The following RIC1 variants were observed in gnomAD, a reference collection of about 807,000 sequenced individuals.
The protein encoded by RIC1 is guanine nucleotide exchange factor subunit RIC1.
In RIC1, 88 loss-of-function variants were observed where a neutral mutation model predicts 169.0. The observed-to-expected ratio is 0.52, with a 90% CI of 0.44 to 0.62. The LOEUF is 0.62. Ranked by LOEUF, RIC1 falls within the 20% of genes least tolerant of loss-of-function variation. The probability of loss-of-function intolerance (pLI) is 0.00; values close to 1 mark genes in which losing one functional copy is unlikely to be tolerated. For missense variants in RIC1, 1,877 were observed against 1,725.5 expected (o/e 1.09, Z -1.56); for synonymous variants, 790 against 601.5 (o/e 1.31, Z -4.59).
In RIC1 at chr9:5,774,225, T is replaced by A. The variant is rs3739648; in HGVS notation, c.4251T>A (p.Thr1417=). 6.2e-7 allele frequency: 1 copy of A among 1,611,068 alleles called. No individual in the cohort carries two copies. Among genetic ancestry groups the A allele is most frequent in the Admixed American group, 1.7e-5 (1 of 59,778 alleles). Residue 1417 remains threonine (T), a synonymous_variant, in exon 26 of 26, where the codon ACT becomes ACA. Coordinates refer to ENST00000414202, the MANE Select transcript of RIC1 (RefSeq NM_020829.4). ...AEEEEPFQDG[T]YDCSVS ...AGGAAGAACCTTTTCAGGATGGGACTTACGACTGTTCTGTGTCCTAACAGT... is the reference window on the plus strand; with the variant it reads ...AGGAAGAACCTTTTCAGGATGGGACATACGACTGTTCTGTGTCCTAACAGT...
intron 3 of RIC1, among the ~76,000 whole-genome samples, chr9:5,707,284 T>C (rs1378193992): frequency 2.6e-5 from 4 of 152,160 alleles, no homozygotes; most frequent in African/African-American, 9.6e-5. Context: ...ATTAAGACTT[T>C]TTTGTGGTTT....
At chr9:5,630,839 A>G (rs1211655654) in intron 1 of RIC1, among the ~76,000 whole-genome samples, 1 of 152,244 alleles carries the variant, frequency 6.6e-6, no homozygotes, top group East Asian at 1.9e-4. Context: ...TTTACAATGT[A>G]TATGCCAGTT....
intron 1 of RIC1, among the ~76,000 whole-genome samples, chr9:5,637,038 G>A (rs1322484884): frequency 6.6e-6 from 1 of 151,876 alleles, no homozygotes; most frequent in Non-Finnish European, 1.5e-5. Flanking sequence ...AACACAGTAG[G>A]TATATATTTA....
rs1213552997 is a variant in RIC1, at chr9:5,775,386, C to G, written c.*1140C>G. On this transcript the variant is annotated 3_prime_UTR_variant, in exon 26 of 26. Coordinates refer to ENST00000414202, the MANE Select transcript of RIC1 (RefSeq NM_020829.4). Reference sequence around the variant, plus strand: ...ACATTATGAAAACAACTGCATACTCCTTAATTGCTTTAAACACCCATCCAC... The same window carrying G: ...ACATTATGAAAACAACTGCATACTCGTTAATTGCTTTAAACACCCATCCAC... The G allele has an allele frequency of 6.6e-6, 1 of 152,136 alleles. No individual in the cohort carries two copies. Among genetic ancestry groups the G allele is most frequent in the African/African-American group, 2.4e-5 (1 of 41,430 alleles). The allele number at this position is 152,136 out of a possible 1,614,324, so 9.4% of individuals were successfully genotyped here.
In RIC1 at chr9:5,714,012, C is replaced by G; in HGVS notation, c.440+9C>G. The G allele has an allele frequency of 6.3e-7, 1 of 1,581,908 alleles. No individual in the cohort carries two copies. Among genetic ancestry groups the G allele is most frequent in the South Asian group, 1.1e-5 (1 of 89,834 alleles). On this transcript the variant is annotated intron_variant, in intron 4 of 25. Coordinates refer to ENST00000414202, the MANE Select transcript of RIC1 (RefSeq NM_020829.4). ...CAAGCACCCATCATGAGGTACAGTA[C>G]TTTGGTTAAATTTGACATTGTGTGA...
At chr9:5,687,672 A>G (rs566652445) in intron 2 of RIC1, among the ~76,000 whole-genome samples, 103 of 152,312 alleles carry the variant, frequency 6.8e-4, no homozygotes, top group African/African-American at 2.4e-3. Flanking sequence ...GGGATCAGGA[A>G]ACATATATTA....
chr9:5,744,146 T>C (rs1825246983), intron 10 of RIC1, among the ~76,000 whole-genome samples: 1 of 152,132 alleles, frequency 6.6e-6, no homozygotes, highest in African/African-American at 2.4e-5. Flanking sequence ...CTGCCTGGTT[T>C]TCAGTATTTG....
intron 1 of RIC1, among the ~76,000 whole-genome samples, chr9:5,648,107 C>A (rs1010078456): frequency 6.6e-6 from 1 of 151,848 alleles, no homozygotes; most frequent in East Asian, 1.9e-4. Flanking sequence ...CTCAGCCTCC[C>A]AAGTAGCTGG....
chr9:5,753,236 C>T lies in RIC1; in HGVS notation c.1489C>T (p.Arg497Trp), dbSNP rs1222655566. ...CTATCTAGAGAGCAATTGGCCTATA[C>T]GGGTGAGTTGTTATTTTGTTGGTGT... ...STYLESNWPI[R>W]FSAIDKLGQN... is the part of the protein sequence containing the mutation. Residue 497 changes from arginine (R) to tryptophan (W), a missense_variant and splice_region_variant, in exon 13 of 26, where the codon CGG (arginine) becomes TGG (tryptophan). Transcript: ENST00000414202. 3 of 1,613,188 alleles carry T rather than the reference C, an allele frequency of 1.9e-6. No homozygotes were observed. The highest frequency in any genetic ancestry group is 2.7e-5 in the African/African-American group (2 of 75,010).
chr9:5,727,462 C>T (rs1824069118), intron 6 of RIC1, among the ~76,000 whole-genome samples: 1 of 152,086 alleles, frequency 6.6e-6, no homozygotes, highest in African/African-American at 2.4e-5. Flanking sequence ...AGATTTTTTG[C>T]TTCTTTGCAA....
chr9:5,721,489 G>A (rs989843169), intron 6 of RIC1, among the ~76,000 whole-genome samples: 3 of 152,196 alleles, frequency 2.0e-5, no homozygotes, highest in East Asian at 3.8e-4. Flanking sequence ...GGTCCTACCC[G>A]CTGAACAAGG....
At chr9:5,684,752 A>G (rs1015708633) in intron 2 of RIC1, among the ~76,000 whole-genome samples, 1 of 152,132 alleles carries the variant, frequency 6.6e-6, no homozygotes, top group Non-Finnish European at 1.5e-5. Flanking sequence ...AGTGTTGAAT[A>G]TGATGAAGGC....
At chr9:5,756,166 G>A (rs756071520) in intron 15 of RIC1, 46 bp from the exon 16 acceptor site, 3 of 1,306,884 alleles carry the variant, frequency 2.3e-6, no homozygotes, top group African/African-American at 3.0e-5. Context: ...GTCATCCCTA[G>A]TAGTTATCTT....
chr9:5,656,314 C>G (rs1359505552), intron 1 of RIC1, among the ~76,000 whole-genome samples: 1 of 152,060 alleles, frequency 6.6e-6, no homozygotes, highest in African/African-American at 2.4e-5. Flanking sequence ...GTTTGGTAGA[C>G]TTCACCTATG....
chr9:5,702,454 C>T (rs1177039747), intron 3 of RIC1, among the ~76,000 whole-genome samples: 2 of 152,182 alleles, frequency 1.3e-5, no homozygotes, highest in African/African-American at 2.4e-5. Context: ...ACCTCTTACA[C>T]GGCCAGAGCA....
In RIC1 at chr9:5,685,966, G is replaced by A. The variant is rs1170100408; in HGVS notation, c.253-3993G>A. On this transcript the variant is annotated intron_variant, in intron 2 of 25. Transcript: ENST00000414202. The stretch of plus-strand genomic sequence containing the variant: ...ACAAACCCATCAAAAAGTGGGCGAA[G>A]GACATGAACAGACACTTCTGAAAAG... Among the ~76,000 whole-genome samples the A allele has an allele frequency of 3.3e-5, 5 of 151,980 alleles. No individual in the cohort carries two copies. In the East Asian group the frequency reaches 9.7e-4, roughly 29 times the overall value.
chr9:5,671,275 T>TTA (rs1491489348), intron 2 of RIC1, among the ~76,000 whole-genome samples: 3 of 132,340 alleles, frequency 2.3e-5, no homozygotes, highest in Non-Finnish European at 4.6e-5. Flanking sequence ...ATTATTATTA[T>TTA]TTTTTTTTTT....
chr9:5,673,210 C>A (rs959392894), intron 2 of RIC1, among the ~76,000 whole-genome samples: 1 of 151,962 alleles, frequency 6.6e-6, no homozygotes, highest in African/African-American at 2.4e-5. Flanking sequence ...TTAATAAAAA[C>A]TTCCTATGGA....
At chr9:5,716,243 T>A (rs1823235114) in intron 4 of RIC1, among the ~76,000 whole-genome samples, 1 of 152,344 alleles carries the variant, frequency 6.6e-6, no homozygotes, top group Admixed American at 6.5e-5. Flanking sequence ...AGAGGCTCTC[T>A]AAGGATATAA....
Sources: gnomAD v4.1 joint callset for allele counts (sites outside exome capture counted in the v4.1 genomes callset) on GRCh38, gnomAD v4.1.1 for gene constraint, MANE v1.5 for transcripts, NCBI Gene and HGNC (gene_info 2026-07-23, HGNC 2026-07-21) for gene names.